Variants in GGT1 observed in about 807,000 individuals in gnomAD.
GGT1 encodes the protein glutathione hydrolase 1 proenzyme.
GGT1 carries 21 observed loss-of-function variants against 56.0 expected under a neutral mutation model. The observed-to-expected ratio is 0.38, with a 90% CI of 0.27 to 0.54. The LOEUF (loss-of-function observed/expected upper bound fraction) is 0.54. Ranked by LOEUF, GGT1 falls within the 20% of genes least tolerant of loss-of-function variation. The pLI, the probability that GGT1 is intolerant of heterozygous loss-of-function variation, is 0.82. For synonymous variants in GGT1, 238 were observed against 342.6 expected, an observed-to-expected ratio of 0.69 and a Z score of 3.37; for missense variants, 466 against 787.0, an observed-to-expected ratio of 0.59 and a Z score of 4.88.
chr22:24,589,522 C>T, the GGT1 span: 1 of 464,820 alleles, frequency 2.2e-6, no homozygotes, highest in Non-Finnish European at 3.3e-6. Flanking sequence ...CATATGACTT[C>T]TGCCCAGCTA....
upstream of GGT1, among the ~76,000 whole-genome samples, chr22:24,593,660 GC>G (rs1353692874): frequency 6.6e-6 from 1 of 152,010 alleles, no homozygotes; most frequent in Non-Finnish European, 1.5e-5. Flanking sequence ...GGTGGCGGGC[GC>G]CTGTAATCCC....
chr22:24,612,987 G>A (rs1336501722), intron 5 of GGT1, among the ~76,000 whole-genome samples: 3 of 152,058 alleles, frequency 2.0e-5, no homozygotes, highest in Admixed American at 6.5e-5. Flanking sequence ...CATGGTGCCT[G>A]GCTTCTACTG....
chr22:24,587,186 C>G, the GGT1 span, among the ~76,000 whole-genome samples: 2 of 152,106 alleles, frequency 1.3e-5, no homozygotes, highest in African/African-American at 2.4e-5. Flanking sequence ...TACAAAGGGA[C>G]GGCTATTAGG....
chr22:24,617,414 TA>T (rs1351386614), intron 7 of GGT1, among the ~76,000 whole-genome samples: 1 of 152,106 alleles, frequency 6.6e-6, no homozygotes, highest in Non-Finnish European at 1.5e-5. Flanking sequence ...GGATCTGGCC[TA>T]TGGACCCCGT....
the GGT1 span, chr22:24,585,920 AG>A: frequency 1.9e-6 from 3 of 1,604,748 alleles, no homozygotes; most frequent in East Asian, 4.5e-5. Context: ...CTCGGGTCCC[AG>A]CCCAGCAGCT....
chr22:24,588,169 C>T, the GGT1 span: 1 of 1,462,246 alleles, frequency 6.8e-7, no homozygotes, highest in South Asian at 1.2e-5. Flanking sequence ...TGAGAAGGGA[C>T]CTTGGAGCAG....
chr22:24,628,960 C>T lies in GGT1; in HGVS notation c.*121C>T. 1.3e-6 allele frequency: 2 copies of T among 1,499,872 alleles called. No individual in the cohort carries two copies. Among genetic ancestry groups the T allele is most frequent in the Non-Finnish European group, 1.8e-6 (2 of 1,104,990 alleles). 92.9% of individuals were successfully genotyped at this position (1,499,872 alleles called of 1,614,324 possible). A position where few individuals can be genotyped will look rare whatever the true frequency, so the allele number is the denominator to read the frequency against. ...AGCAGAGCAGCACAATAAATGAGGC[C>T]ACTGTGCCAGGCTCCAGGTGGCCTC... is the stretch of plus-strand genomic sequence containing the variant. On this transcript the variant is annotated 3_prime_UTR_variant, in exon 16 of 16. Coordinates refer to ENST00000400382, the MANE Select transcript of GGT1 (RefSeq NM_001288833.2). This position sits in a 1 kb window ranked among gnomAD's most constrained non-coding sequence, Gnocchi z 5.7.
chr22:24,586,170 G>A, the GGT1 span: 17 of 1,613,478 alleles, frequency 1.1e-5, no homozygotes, highest in Admixed American at 1.5e-4. Flanking sequence ...GCAGTGGCCC[G>A]CGTCAGTCGG....
At chr22:24,589,997 C>A, upstream of GGT1, 1 of 1,506,726 alleles carries the variant, frequency 6.6e-7, no homozygotes, top group Non-Finnish European at 8.9e-7. Flanking sequence ...GGTCTCCCAT[C>A]TCGAGGCACC....
chr22:24,617,516 G>A (rs1005879010), intron 7 of GGT1, among the ~76,000 whole-genome samples: 5 of 152,246 alleles, frequency 3.3e-5, no homozygotes, highest in Admixed American at 1.3e-4. Context: ...AGTGGCTGAC[G>A]CTGGACAGAC....
chr22:24,612,244 C>CT (rs796939700), intron 5 of GGT1, among the ~76,000 whole-genome samples: 7,315 of 75,358 alleles, frequency 0.097, 295 homozygotes, highest in Non-Finnish European at 0.15. Context: ...CCGGCTTATT[C>CT]TTTTTTTTTT....
chr22:24,605,307 T>A (rs1388471135), intron 1 of GGT1, among the ~76,000 whole-genome samples: 14 of 54,440 alleles, frequency 2.6e-4, no homozygotes, highest in African/African-American at 1.1e-3. Flanking sequence ...GTATTATATA[T>A]TATATAATAT....
upstream of GGT1, chr22:24,592,842 GC>G: frequency 7.8e-7 from 1 of 1,277,584 alleles, no homozygotes; most frequent in Non-Finnish European, 9.9e-7. Flanking sequence ...CAGCCCAGGG[GC>G]GGACGGCTCC....
At chr22:24,589,667 T>C in the GGT1 span, 1 of 863,866 alleles carries the variant, frequency 1.2e-6, no homozygotes, top group South Asian at 1.9e-5. Context: ...AATATACTGA[T>C]GCTGGCAGCA....
chr22:24,591,083 G>C (rs2045553860), upstream of GGT1, among the ~76,000 whole-genome samples: 1 of 152,106 alleles, frequency 6.6e-6, no homozygotes. Flanking sequence ...TCTTTCAGAG[G>C]GTCTCTTTGT....
chr22:24,622,691 G>A (rs184300813), intron 9 of GGT1, among the ~76,000 whole-genome samples: 1 of 152,140 alleles, frequency 6.6e-6, no homozygotes, highest in African/African-American at 2.4e-5. Flanking sequence ...GTTCAAGGCT[G>A]TGATTAAGCC....
At chr22:24,599,397 A>G (rs1358544547), upstream of GGT1, 1 of 147,918 alleles carries the variant, frequency 6.8e-6, no homozygotes, top group Non-Finnish European at 1.5e-5. Context: ...AAGGACGGGC[A>G]CCAGCAAGGT....
At chr22:24,618,088 A>G (rs2147417393) in intron 7 of GGT1, among the ~76,000 whole-genome samples, 1 of 152,232 alleles carries the variant, frequency 6.6e-6, no homozygotes, top group Admixed American at 6.5e-5. Context: ...ATATTGATAC[A>G]TGATATTTTC....
rs368869531 is a variant in GGT1, at chr22:24,620,845, C to T, written c.576-68C>T. 38 of 1,587,254 alleles carry T rather than the reference C, an allele frequency of 2.4e-5. No individual in the cohort carries two copies. Among genetic ancestry groups the T allele is most frequent in the Middle Eastern group, 2.3e-4 (1 of 4,318 alleles). ...GTTCTGCTCCGTTCTCCTGTGTGGA[C>T]GGGTGTGAGGGGTGGTCTAGCTGAG... is the stretch of plus-strand genomic sequence containing the variant. On this transcript the variant is annotated intron_variant, in intron 8 of 15. Coordinates refer to ENST00000400382, the MANE Select transcript of GGT1 (RefSeq NM_001288833.2). The surrounding 1 kb of genome is among the most constrained non-coding windows in gnomAD (Gnocchi z 5.6).
Sources: allele counts gnomAD v4.1 joint callset (sites outside exome capture counted in the v4.1 genomes callset), GRCh38; gene constraint gnomAD v4.1.1; non-coding constraint Gnocchi (gnomAD v3.1); transcripts MANE v1.5; gene names NCBI Gene and HGNC (gene_info 2026-07-23, HGNC 2026-07-21).